WDR72: variants seen among roughly 807,000 people sequenced by gnomAD.
WDR72 encodes WD repeat domain 72.
Under a neutral mutation model 124.2 loss-of-function variants are expected in WDR72, and 120 were observed. That is an observed-to-expected ratio of 0.97 (90% CI 0.83 to 1.12). WDR72 has a LOEUF of 1.12. Among genes scored for constraint, WDR72 ranks in the 50% most tolerant of loss-of-function variants. WDR72 has a pLI of 0.00. For missense variants in WDR72, 1,387 were observed against 1,278.8 expected (o/e 1.08, Z -1.29); for synonymous variants, 452 against 441.7 (o/e 1.02, Z -0.29).
rs532432489 is a variant in WDR72 at position 53,523,287 on chromosome 15, T to C, written c.3184A>G (p.Asn1062Asp). 4 of 1,612,908 alleles carry C rather than the reference T, an allele frequency of 2.5e-6. No individual in the cohort carries two copies. In the South Asian group the frequency reaches 3.3e-5, roughly 13 times the overall value. ...TCCACGTCTTGGAAGTTTGCCGAGT[T>C]TGAGTTGCTGTCATGCTTGACCGGG... is the stretch of plus-strand genomic sequence containing the variant. ...VSPVKHDSNS[N>D]SANFQDVEDM... Residue 1062 changes from asparagine (N) to aspartate (D), a missense_variant, in exon 19 of 20, where the codon AAC becomes GAC. By Grantham distance (23) the Asn-to-Asp change is conservative (BLOSUM62 1). Transcript: ENST00000360509.
At chr15:53,568,358 A>AT (rs1277240004) in intron 18 of WDR72, among the ~76,000 whole-genome samples, 1 of 151,702 alleles carries the variant, frequency 6.6e-6, no homozygotes, top group Non-Finnish European at 1.5e-5. Context: ...GAAAATAGGG[A>AT]TTTTCTAACC....
intron 18 of WDR72, among the ~76,000 whole-genome samples, chr15:53,564,571 G>C (rs1894231791): frequency 6.6e-6 from 1 of 151,816 alleles, no homozygotes; most frequent in South Asian, 2.1e-4. Flanking sequence ...ATTAGCACAG[G>C]AACTAGGAGG....
chr15:53,705,817 C>T, intron 10 of WDR72, 110 bp downstream of exon 10: 1 of 1,300,568 alleles, frequency 7.7e-7, no homozygotes, highest in South Asian at 1.2e-5. Flanking sequence ...TAGTAGTACA[C>T]AATAAATTTT....
chr15:53,690,345 T>C (rs965484898), intron 13 of WDR72, among the ~76,000 whole-genome samples: 1 of 152,206 alleles, frequency 6.6e-6, no homozygotes, highest in Non-Finnish European at 1.5e-5. Flanking sequence ...GCATTGACAA[T>C]GTTGTGTAAC....
intron 18 of WDR72, among the ~76,000 whole-genome samples, chr15:53,564,719 A>G (rs983709425): frequency 6.6e-6 from 1 of 151,902 alleles, no homozygotes; most frequent in African/African-American, 2.4e-5. Context: ...CTTATTCAGT[A>G]GGATGACATT....
At chr15:53,537,232 A>G (rs1892810935) in intron 18 of WDR72, among the ~76,000 whole-genome samples, 1 of 152,188 alleles carries the variant, frequency 6.6e-6, no homozygotes, top group Non-Finnish European at 1.5e-5. Context: ...TGTATTTGGT[A>G]ATACAAGGAT....
At chr15:53,694,573 T>C (rs562695409) in intron 13 of WDR72, among the ~76,000 whole-genome samples, 1 of 152,304 alleles carries the variant, frequency 6.6e-6, no homozygotes, top group African/African-American at 2.4e-5. Context: ...TCTTATCTAA[T>C]TCCCTGCTTG....
At chr15:53,716,814 A>G (rs1314417450) in intron 3 of WDR72, 129 bp from the exon 4 acceptor site, 31 of 724,650 alleles carry the variant, frequency 4.3e-5, no homozygotes, top group Admixed American at 7.8e-5. Context: ...ATTTTGGGCA[A>G]GAAAATGTTG....
intron 11 of WDR72, among the ~76,000 whole-genome samples, chr15:53,704,497 C>G (rs78496554): frequency 4.2e-4 from 63 of 151,378 alleles, no homozygotes; most frequent in Non-Finnish European, 8.4e-4. Context: ...TATTGTGTAG[C>G]CTTCTGCTTG....
Position 53,702,153 on chromosome 15 carries a change from A to G in WDR72, c.1550T>C (p.Met517Thr). 1 of 1,613,716 alleles carries G rather than the reference A, an allele frequency of 6.2e-7. No homozygotes were observed. The highest frequency in any genetic ancestry group is 8.5e-7 in the Non-Finnish European group (1 of 1,179,920). The change falls in exon 12 of 20, where the codon ATG becomes ACG. Residue 517 changes from methionine (M) to threonine (T), a missense_variant. Physicochemically the swap from Met to Thr is moderately conservative, Grantham distance 81. Coordinates refer to ENST00000360509, the MANE Select transcript of WDR72 (RefSeq NM_182758.4). ...LEAGPVTSLLMSPEKFKLRGE... is the reference protein window; with the variant it reads ...LEAGPVTSLLTSPEKFKLRGE... ...TCTTACTTTAAACTTCTCTGGTGAC[A>G]TCAAAAGACTTGTTACTGGACCAGC...
In WDR72 at chr15:53,711,474, T is replaced by C. The variant is rs768267572; in HGVS notation, c.719A>G (p.Asp240Gly). ...CAGCAGAAGGGAAAAATCACAATAATCATAAACCTAAAATATGAAGTTGAT... is the reference window on the plus strand; with the variant it reads ...CAGCAGAAGGGAAAAATCACAATAACCATAAACCTAAAATATGAAGTTGAT... ...VVFSKCWKVY[D>G]YCDFSLLLTE... The change falls in exon 8 of 20, where the codon GAT becomes GGT. Residue 240 changes from aspartate to glycine, a missense_variant. Asp to Gly is a moderately conservative substitution (Grantham distance 94, BLOSUM62 -1). Transcript: ENST00000360509. 33 of 1,613,892 alleles carry C rather than the reference T, an allele frequency of 2.0e-5. No individual in the cohort carries two copies. In the Admixed American group the frequency reaches 5.2e-4, roughly 25 times the overall value.
At chr15:53,573,752 G>C (rs1894649992) in intron 18 of WDR72, among the ~76,000 whole-genome samples, 1 of 152,154 alleles carries the variant, frequency 6.6e-6, no homozygotes, top group African/African-American at 2.4e-5. Flanking sequence ...CGCCATGTTG[G>C]CCAGGCTGGT....
rs573840233 is a variant in WDR72 at position 53,680,707 on chromosome 15, T to C, written c.1766-14939A>G. Among the ~76,000 whole-genome samples, 14 of 152,358 alleles carry C rather than the reference T, an allele frequency of 9.2e-5. No homozygotes were observed. The East Asian group carries it at 2.3e-3, about 25-fold the overall frequency. ...CATTTACTAAATTTACAAAAACAGCTTGTTATCTGCTCAACTGATGAACTG... is the reference window on the plus strand; with the variant it reads ...CATTTACTAAATTTACAAAAACAGCCTGTTATCTGCTCAACTGATGAACTG... On this transcript the variant is annotated intron_variant, in intron 13 of 19. Coordinates refer to ENST00000360509, the MANE Select transcript of WDR72 (RefSeq NM_182758.4).
intron 13 of WDR72, among the ~76,000 whole-genome samples, chr15:53,679,542 G>A (rs1293678966): frequency 6.6e-6 from 1 of 152,184 alleles, no homozygotes; most frequent in Non-Finnish European, 1.5e-5. Flanking sequence ...AGGATGGAGA[G>A]AGAGAGGGAG....
At chr15:53,684,138 A>G (rs549091753) in intron 13 of WDR72, 1 of 152,336 alleles carries the variant, frequency 6.6e-6, no homozygotes, top group East Asian at 1.9e-4. Context: ...CAGGTATAAT[A>G]GACGAACCTT....
intron 12 of WDR72, among the ~76,000 whole-genome samples, chr15:53,701,528 G>C (rs2017173778): frequency 1.1e-5 from 1 of 91,372 alleles, no homozygotes. Flanking sequence ...ATGACAAAGT[G>C]AGACCCTGTC....
At chr15:53,603,008 AC>A (rs2013114584) in intron 17 of WDR72, among the ~76,000 whole-genome samples, 1 of 152,164 alleles carries the variant, frequency 6.6e-6, no homozygotes, top group Non-Finnish European at 1.5e-5. Flanking sequence ...TCATCCTGAT[AC>A]AAAAACCTGG....
chr15:53,568,956 T>C (rs1172274224), intron 18 of WDR72, among the ~76,000 whole-genome samples: 2 of 152,086 alleles, frequency 1.3e-5, no homozygotes, highest in Non-Finnish European at 2.9e-5. Flanking sequence ...TTAATTATGA[T>C]ATATTTAGCT....
At chr15:53,733,804 T>C (rs2018273766) in intron 1 of WDR72, among the ~76,000 whole-genome samples, 1 of 152,136 alleles carries the variant, frequency 6.6e-6, no homozygotes, top group African/African-American at 2.4e-5. Flanking sequence ...AATGAATACA[T>C]AAGTATCAAA....
Sources: gnomAD v4.1 joint callset for allele counts (sites outside exome capture counted in the v4.1 genomes callset) on GRCh38, gnomAD v4.1.1 for gene constraint, MANE v1.5 for transcripts, NCBI Gene and HGNC (gene_info 2026-07-23, HGNC 2026-07-21) for gene names.